TTN: variants seen among roughly 807,000 people sequenced by gnomAD.
The protein encoded by TTN is connectin.
A neutral mutation model predicts 3,223.0 loss-of-function variants in TTN; 1,525 were observed. The observed-to-expected ratio is 0.47, with a 90% CI of 0.45 to 0.49. TTN has a LOEUF of 0.49. Ranked by LOEUF, TTN falls within the 20% of genes least tolerant of loss-of-function variation. TTN has a pLI of 0.00. For synonymous variants in TTN, 14,094 were observed against 15,161.0 expected (o/e 0.93, Z 5.17); for missense variants, 40,786 against 43,424.0 (o/e 0.94, Z 5.40).
chr2:178,612,816 T>C lies in TTN; in HGVS notation c.49905A>G (p.Glu16635=), dbSNP rs747141933. Residue 16635 remains glutamate (E), a synonymous_variant, in exon 265 of 363, where the codon GAA becomes GAG. Transcript: ENST00000589042. ...VRAVNKAGES[E]PSEPSDPVLC... ...GCACAGGGTCACTGGGTTCACTGGGTTCACTTTCCCCAGCCTTATTCACAG... is the reference window on the plus strand; with the variant it reads ...GCACAGGGTCACTGGGTTCACTGGGCTCACTTTCCCCAGCCTTATTCACAG... The C allele has an allele frequency of 6.2e-7, 1 of 1,612,368 alleles. No individual in the cohort carries two copies. Among genetic ancestry groups the C allele is most frequent in the Non-Finnish European group, 8.5e-7 (1 of 1,179,148 alleles).
At chr2:178,642,126 T>C in intron 219 of TTN, 111 bp downstream of exon 219, 1 of 822,892 alleles carries the variant, frequency 1.2e-6, no homozygotes, top group Non-Finnish European at 1.7e-6. Flanking sequence ...CAAATTTTGA[T>C]AAATAGCGAA....
chr2:178,607,904 T>C lies in TTN; in HGVS notation c.52883A>G (p.Gln17628Arg), dbSNP rs1326205439. 6.2e-7 allele frequency: 1 copy of C among 1,613,092 alleles called. No homozygotes were observed. The highest frequency in any genetic ancestry group is 8.5e-7 in the Non-Finnish European group (1 of 1,179,344). The stretch of plus-strand genomic sequence containing the variant: ...CTCTCGGATTTCTTTGACGGTGTAC[T>C]GACGGACCTTGATCATCTTCTCTGT... ...RCTEKMIKVR[Q>R]YTVKEIREGA... Residue 17628 changes from glutamine (Q) to arginine (R), a missense_variant, in exon 276 of 363, where the codon CAG becomes CGG. By Grantham distance (43) the Gln-to-Arg change is conservative. Coordinates refer to ENST00000589042, the MANE Select transcript of TTN (RefSeq NM_001267550.2).
At chr2:178,806,943 A>G (rs2094343532) in intron 1 of TTN, among the ~76,000 whole-genome samples, 1 of 152,206 alleles carries the variant, frequency 6.6e-6, no homozygotes, top group Non-Finnish European at 1.5e-5. Context: ...AACATTTCAG[A>G]CCTCAACTTT....
At chr2:178,540,494 G>A (rs1693874050) in intron 350 of TTN, 124 bp from the exon 351 acceptor site, 2 of 884,956 alleles carry the variant, frequency 2.3e-6, no homozygotes, top group Non-Finnish European at 3.3e-6. Context: ...TTTTTGTCTT[G>A]TGAAAATTTT....
At chr2:178,685,151 C>G (rs2070518533) in intron 129 of TTN, 102 bp downstream of exon 129, 1 of 1,207,114 alleles carries the variant, frequency 8.3e-7, no homozygotes, top group East Asian at 2.6e-5. Context: ...AAAACGTAGA[C>G]AGTTATGCAA....
Position 178,779,322 on chromosome 2 carries a change from T to C in TTN, c.3870A>G (p.Glu1290=). 6.2e-7 allele frequency: 1 copy of C among 1,613,494 alleles called. No homozygotes were observed. The highest frequency in any genetic ancestry group is 8.5e-7 in the Non-Finnish European group (1 of 1,179,578). Residue 1290 remains glutamate (E), a synonymous_variant, in exon 23 of 363, where the codon GAA becomes GAG. Transcript: ENST00000589042. ...TCTTGATTCTTGAATCAAATCCTGA[T>C]TCAACAGCTTCAGATTCAGAAATGT... ...AVDISESEAV[E]SGFDSRIKNY...
chr2:178,701,637 A>T, intron 109 of TTN, 50 bp from the exon 110 acceptor site: 1 of 1,561,462 alleles, frequency 6.4e-7, no homozygotes, highest in Non-Finnish European at 8.8e-7. Flanking sequence ...CAAGCTATTT[A>T]TTAGAAAACT....
chr2:178,597,766 C>T lies in TTN; in HGVS notation c.57316G>A (p.Ala19106Thr), dbSNP rs754573037. ...ASVRDRIVVH[A>T]GGVIRIIAYV... ...GCAATGATTCGGATCACCCCTCCAGCATGGACAACAATTCTATCTCTGACA... is the reference window on the plus strand; with the variant it reads ...GCAATGATTCGGATCACCCCTCCAGTATGGACAACAATTCTATCTCTGACA... Residue 19106 changes from alanine (A) to threonine (T), a missense_variant, in exon 294 of 363, where the codon GCT becomes ACT. Coordinates refer to ENST00000589042, the MANE Select transcript of TTN (RefSeq NM_001267550.2). The T allele has an allele frequency of 5.0e-6, 8 of 1,613,158 alleles. No individual in the cohort carries two copies. The highest frequency in any genetic ancestry group is 1.7e-5 in the Admixed American group (1 of 59,940).
At position 178,672,251 on chromosome 2, in the gene TTN, T is replaced by C. The variant is rs727504514; in HGVS notation, c.34947A>G (p.Glu11649=). Residue 11649 remains glutamate, a synonymous_variant, in exon 155 of 363, where the codon GAA becomes GAG. Coordinates refer to ENST00000589042, the MANE Select transcript of TTN (RefSeq NM_001267550.2). ...GGCGGAAGGCAACTGATACTTTTTC[T>C]TCAAGGACAGTTCTCCCTGAAAGAG... ...VPPAKGRTVL[E]EKVSVAFRQE... 1 of 1,575,366 alleles carries C rather than the reference T, an allele frequency of 6.3e-7. No individual in the cohort carries two copies. The highest frequency in any genetic ancestry group is 8.6e-7 in the Non-Finnish European group (1 of 1,159,484).
Position 178,536,380 on chromosome 2 carries a change from T to C in TTN, c.100367A>G (p.Asn33456Ser). The change falls in exon 357 of 363, where the codon AAC (asparagine) becomes AGC (serine). Residue 33456 changes from asparagine (N) to serine (S), a missense_variant. Physicochemically the swap from Asn to Ser is conservative, Grantham distance 46. Coordinates refer to ENST00000589042, the MANE Select transcript of TTN (RefSeq NM_001267550.2). ...EIRETVFSVKNLIEGLEYEFR... is the reference protein window; with the variant it reads ...EIRETVFSVKSLIEGLEYEFR... Reference sequence around the variant, plus strand: ...CTCGTATTCAAGACCTTCAATAAGGTTTTTCACTGAAAAGACAGTTTCTCG... The same window carrying C: ...CTCGTATTCAAGACCTTCAATAAGGCTTTTCACTGAAAAGACAGTTTCTCG... 6.2e-7 allele frequency: 1 copy of C among 1,613,764 alleles called. No homozygotes were observed. The highest frequency in any genetic ancestry group is 8.5e-7 in the Non-Finnish European group (1 of 1,179,790).
Position 178,570,139 on chromosome 2 carries a change from A to G in TTN, c.75993T>C (p.Asp25331=), listed in dbSNP as rs949833588. 2 of 1,613,412 alleles carry G rather than the reference A, an allele frequency of 1.2e-6. No individual in the cohort carries two copies. The highest frequency in any genetic ancestry group is 1.7e-6 in the Non-Finnish European group (2 of 1,179,582). Residue 25331 remains aspartate (D), a synonymous_variant, in exon 326 of 363, where the codon GAT becomes GAC. Coordinates refer to ENST00000589042, the MANE Select transcript of TTN (RefSeq NM_001267550.2). ...MIVVWERPAS[D]GGSEILGYVL... is the part of the protein sequence containing the mutation. ...CATATCCAAGAATTTCACTACCACC[A>G]TCAGATGCTGGTCTTTCCCATACAA...
chr2:178,615,738 T>A lies in TTN; in HGVS notation c.48363A>T (p.Gln16121His). The A allele has an allele frequency of 6.2e-7, 1 of 1,612,216 alleles. No individual in the cohort carries two copies. The highest frequency in any genetic ancestry group is 2.2e-5 in the East Asian group (1 of 44,654). ...AAACTTTAAATAAGTACTCTTTTCC[T>A]TGAACAAGATCAGGAACTGTGAATT... Reference protein sequence around the residue: ...DLEFTVPDLVQGKEYLFKVCA... With the variant: ...DLEFTVPDLVHGKEYLFKVCA... The change falls in exon 258 of 363, where the codon CAA becomes CAT. Residue 16121 changes from glutamine (Q) to histidine (H), a missense_variant. Gln to His is a conservative substitution (Grantham distance 24). Transcript: ENST00000589042.
chr2:178,558,762 T>G, intron 326 of TTN, 125 bp from the exon 327 acceptor site: 2 of 1,089,940 alleles, frequency 1.8e-6, no homozygotes, highest in Non-Finnish European at 2.6e-6. Context: ...ATTTTAGTCT[T>G]CCTTTTTACA....
Position 178,560,687 on chromosome 2 carries a change from T to G in TTN, c.85445A>C (p.Asp28482Ala). Residue 28482 changes from aspartate (D) to alanine (A), a missense_variant, in exon 326 of 363, where the codon GAT (aspartate) becomes GCT (alanine). Transcript: ENST00000589042. ...WGRPQEDGGA[D>A]IDYYIVEKRE... ...TTTTTCTACGATGTAATAGTCGATA[T>G]CTGCACCACCATCTTCTTGGGGACG... The G allele has an allele frequency of 6.2e-7, 1 of 1,613,734 alleles. No individual in the cohort carries two copies. The highest frequency in any genetic ancestry group is 8.5e-7 in the Non-Finnish European group (1 of 1,179,798).
At chr2:178,580,830 G>A (rs944925249) in intron 316 of TTN, 15 of 530,752 alleles carry the variant, frequency 2.8e-5, no homozygotes, top group Non-Finnish European at 4.5e-5. Context: ...TTTTCCCCCC[G>A]GAGGATCTGT....
intron 226 of TTN, 110 bp downstream of exon 226, chr2:178,635,853 C>CCCTCTTAGGTA (rs1168875587): frequency 7.3e-6 from 11 of 1,512,170 alleles, no homozygotes; most frequent in Non-Finnish European, 9.8e-6. Flanking sequence ...ATTGTTATTC[C>CCCTCTTAGGTA]CCTCTTAGGT....
At position 178,576,864 on chromosome 2, in the gene TTN, G is replaced by T. The variant is rs1351986113; in HGVS notation, c.69413-33C>A. On this transcript the variant is annotated intron_variant, in intron 324 of 362. Transcript: ENST00000589042. The surrounding 1 kb of genome is among the most constrained non-coding windows in gnomAD (Gnocchi z 4.3). ...GGAAGCAAATTTATTAGAAATCCAT[G>T]ATTTCCTAAACTCTGCTATAAATGT... is the stretch of plus-strand genomic sequence containing the variant. 1 of 1,602,604 alleles carries T rather than the reference G, an allele frequency of 6.2e-7. No individual in the cohort carries two copies.
In TTN at chr2:178,749,235, C is replaced by T. The variant is rs72648903; in HGVS notation, c.11311+3889G>A. ...TTTCTTATTTCTTTCTTAATAGTGA[C>T]ATCACTGAAATCATCAACAAATGGA... is the stretch of plus-strand genomic sequence containing the variant. On this transcript the variant is annotated intron_variant, in intron 47 of 362. Transcript: ENST00000589042. The T allele has an allele frequency of 3.0e-3, 4,820 of 1,611,590 alleles. 135 individuals are homozygous for T. In the African/African-American group the frequency reaches 0.058, roughly 19 times the overall value.
At chr2:178,693,829 A>G in intron 118 of TTN, 93 bp downstream of exon 118, 2 of 1,250,668 alleles carry the variant, frequency 1.6e-6, no homozygotes. Context: ...GGAGACAGAA[A>G]TGTCTACACG....
Sources: gnomAD v4.1 joint callset for allele counts (sites outside exome capture counted in the v4.1 genomes callset) on GRCh38, gnomAD v4.1.1 for gene constraint, Gnocchi (gnomAD v3.1) non-coding constraint, MANE v1.5 for transcripts, NCBI Gene and HGNC (gene_info 2026-07-23, HGNC 2026-07-21) for gene names.